The following TMTC2 variants were observed in gnomAD, a reference collection of about 807,000 sequenced individuals.
TMTC2 encodes transmembrane O-mannosyltransferase targeting cadherins 2, also known as protein O-mannosyl-transferase TMTC2.
Under a neutral mutation model 82.4 loss-of-function variants are expected in TMTC2, and 43 were observed. That is an observed-to-expected ratio of 0.52 (90% CI 0.41 to 0.67). The LOEUF is 0.67. Among genes scored for constraint, TMTC2 ranks in the 30% least tolerant of loss-of-function variants. The pLI is 0.00. For missense variants in TMTC2, 919 were observed against 1,012.4 expected, an observed-to-expected ratio of 0.91 and a Z score of 1.25; for synonymous variants, 408 against 381.9, an observed-to-expected ratio of 1.07 and a Z score of -0.80.
At chr12:82,907,883 G>T (rs1047382638) in intron 3 of TMTC2, among the ~76,000 whole-genome samples, 29 of 152,184 alleles carry the variant, frequency 1.9e-4, no homozygotes, top group African/African-American at 6.7e-4. Flanking sequence ...GGAGGCCGAG[G>T]TGGGCAGATC....
At chr12:82,690,904 A>G (rs1872543972) in intron 1 of TMTC2, among the ~76,000 whole-genome samples, 1 of 152,120 alleles carries the variant, frequency 6.6e-6, no homozygotes, top group African/African-American at 2.4e-5. Flanking sequence ...ATTCTTACGC[A>G]TTTGTTGAGG....
intron 8 of TMTC2, among the ~76,000 whole-genome samples, chr12:83,003,194 G>C (rs1362013676): frequency 6.6e-6 from 1 of 152,030 alleles, no homozygotes; most frequent in Non-Finnish European, 1.5e-5. Flanking sequence ...CTTTTTGGCT[G>C]TTGTTGGTTT....
At position 82,904,996 on chromosome 12, in the gene TMTC2, T is replaced by A. The variant is rs1393699243; in HGVS notation, c.1483+8350T>A. On this transcript the variant is annotated intron_variant, in intron 3 of 11. Coordinates refer to ENST00000321196, the MANE Select transcript of TMTC2 (RefSeq NM_152588.3). ...GTTTTTTGTTTCTTTTTTTTTTTTT[T>A]TTCCTAAAACCTGCCTTTATTTTCC... Among the ~76,000 whole-genome samples the A allele has an allele frequency of 5.9e-5, 9 of 151,910 alleles. No homozygotes were observed. The East Asian group carries it at 1.7e-3, about 29-fold the overall frequency.
intron 1 of TMTC2, among the ~76,000 whole-genome samples, chr12:82,837,628 A>G (rs919299836): frequency 3.9e-5 from 6 of 152,224 alleles, no homozygotes; most frequent in African/African-American, 1.4e-4. Context: ...TGGTCGATAG[A>G]AAAGTCAATA....
chr12:82,845,876 A>G (rs1565775832), intron 1 of TMTC2, among the ~76,000 whole-genome samples: 1 of 150,760 alleles, frequency 6.6e-6, no homozygotes, highest in East Asian at 1.9e-4. Flanking sequence ...TCAAGTTTTA[A>G]TTATACGTGA....
At chr12:83,098,495 T>G (rs2137529915) in intron 11 of TMTC2, among the ~76,000 whole-genome samples, 1 of 152,350 alleles carries the variant, frequency 6.6e-6, no homozygotes, top group African/African-American at 2.4e-5. Context: ...CTCCAGTCCT[T>G]CAAATCTATT....
At position 82,986,011 on chromosome 12, in the gene TMTC2, G is replaced by A. The variant is rs754292590; in HGVS notation, c.2035G>A (p.Ala679Thr). 2.5e-6 allele frequency: 4 copies of A among 1,613,954 alleles called. No homozygotes were observed. The Admixed American group carries it at 6.7e-5, about 27-fold the overall frequency. ...SLRSKTDHIP[A>T]HLTYGKLLAL... ...GAGATCCAAGACTGACCACATCCCT[G>A]CTCATCTCACCTATGGGAAGCTGCT... is the stretch of plus-strand genomic sequence containing the variant. The change falls in exon 8 of 12, where the codon GCT (alanine) becomes ACT (threonine). Residue 679 changes from alanine (A) to threonine (T), a missense_variant. Coordinates refer to ENST00000321196, the MANE Select transcript of TMTC2 (RefSeq NM_152588.3).
intron 1 of TMTC2, among the ~76,000 whole-genome samples, chr12:82,692,037 A>G: frequency 6.6e-6 from 1 of 152,202 alleles, no homozygotes; most frequent in Non-Finnish European, 1.5e-5. Flanking sequence ...TGTTTTGAAT[A>G]AGTATATCTC....
chr12:82,936,781 G>C (rs1469667311), intron 4 of TMTC2, among the ~76,000 whole-genome samples: 1 of 152,106 alleles, frequency 6.6e-6, no homozygotes, highest in Admixed American at 6.5e-5. Context: ...TACATTTAAT[G>C]TTGAAGCATA....
chr12:83,009,928 G>C (rs1880378402), intron 8 of TMTC2, among the ~76,000 whole-genome samples: 1 of 152,158 alleles, frequency 6.6e-6, no homozygotes, highest in Non-Finnish European at 1.5e-5. Context: ...TTCACAACAG[G>C]GTTTTGTGTT....
intron 4 of TMTC2, among the ~76,000 whole-genome samples, chr12:82,961,741 G>A (rs74106199): frequency 0.034 from 5,225 of 152,058 alleles, 303 homozygotes; most frequent in African/African-American, 0.12. Flanking sequence ...CCTGGGCTGG[G>A]TAATGTTGGT....
At chr12:82,725,850 G>A (rs536971488) in intron 1 of TMTC2, among the ~76,000 whole-genome samples, 1 of 152,278 alleles carries the variant, frequency 6.6e-6, no homozygotes, top group African/African-American at 2.4e-5. Context: ...GGAAATGTTC[G>A]GATTAAGATA....
chr12:82,896,103 G>A lies in TMTC2; in HGVS notation c.940G>A (p.Val314Met), dbSNP rs775062295. ...TVCDWRNLHT[V>M]AFYTGLLLLA... ...TTGTGACTGGAGAAACCTACACACT[G>A]TGGCCTTCTATACTGGACTCCTTCT... is the stretch of plus-strand genomic sequence containing the variant. The change falls in exon 3 of 12, where the codon GTG (valine) becomes ATG (methionine). Residue 314 changes from valine (V) to methionine (M), a missense_variant. Coordinates refer to ENST00000321196, the MANE Select transcript of TMTC2 (RefSeq NM_152588.3). 1 of 1,614,036 alleles carries A rather than the reference G, an allele frequency of 6.2e-7. No individual in the cohort carries two copies.
intron 1 of TMTC2, among the ~76,000 whole-genome samples, chr12:82,696,659 A>G (rs904174397): frequency 7.9e-5 from 12 of 152,174 alleles, no homozygotes; most frequent in African/African-American, 2.9e-4. Flanking sequence ...GGATGAAATC[A>G]GTATTTCAAA....
intron 1 of TMTC2, among the ~76,000 whole-genome samples, chr12:82,735,708 T>C (rs1331027690): frequency 2.0e-5 from 3 of 150,954 alleles, no homozygotes; most frequent in Non-Finnish European, 4.4e-5. Context: ...GGCTCACGCC[T>C]GTAGTCTCAG....
intron 4 of TMTC2, among the ~76,000 whole-genome samples, chr12:82,950,798 CAT>C (rs1877303734): frequency 6.6e-6 from 1 of 152,052 alleles, no homozygotes; most frequent in Admixed American, 6.5e-5. Flanking sequence ...AGGAAAAACT[CAT>C]ATAAAAATTA....
intron 8 of TMTC2, among the ~76,000 whole-genome samples, chr12:83,004,070 A>G (rs1343162198): frequency 6.6e-6 from 1 of 152,020 alleles, no homozygotes; most frequent in Non-Finnish European, 1.5e-5. Flanking sequence ...CATTTTTCTT[A>G]TTCTTTATTC....
intron 4 of TMTC2, among the ~76,000 whole-genome samples, chr12:82,938,027 G>A (rs1016237417): frequency 6.7e-6 from 1 of 148,246 alleles, no homozygotes; most frequent in Non-Finnish European, 1.5e-5. Flanking sequence ...CGATTTTCCT[G>A]CCTCAGCCTC....
chr12:83,037,398 A>G (rs1881705211), intron 9 of TMTC2, among the ~76,000 whole-genome samples: 1 of 152,334 alleles, frequency 6.6e-6, no homozygotes. Flanking sequence ...TTTTAATTAC[A>G]TAATGAACCA....
Sources: allele counts gnomAD v4.1 joint callset (sites outside exome capture counted in the v4.1 genomes callset), GRCh38; gene constraint gnomAD v4.1.1; transcripts MANE v1.5; gene names NCBI Gene and HGNC (gene_info 2026-07-23, HGNC 2026-07-21).